The following GCA variants were observed in gnomAD, a reference collection of about 807,000 sequenced individuals.
GCA encodes the protein grancalcin, also known as grancalcin, EF-hand calcium-binding protein.
Under a neutral mutation model 32.6 loss-of-function variants are expected in GCA, and 30 were observed. That is an observed-to-expected ratio of 0.92 (90% CI 0.69 to 1.25). The LOEUF is 1.25. Ranked by LOEUF, GCA falls within the 50% of genes most tolerant of loss-of-function variation. GCA has a pLI of 0.00. For synonymous variants in GCA, 102 were observed against 84.6 expected, an observed-to-expected ratio of 1.21 and a Z score of -1.13; for missense variants, 291 against 266.8, an observed-to-expected ratio of 1.09 and a Z score of -0.63.
intron 1 of GCA, among the ~76,000 whole-genome samples, chr2:162,325,566 T>C (rs1470520268): frequency 2.6e-5 from 4 of 152,188 alleles, no homozygotes; most frequent in Non-Finnish European, 5.9e-5. Context: ...CCCTCCATTA[T>C]GCACACCTGA....
Position 162,360,624 on chromosome 2 carries a change from G to C in GCA, c.*381G>C. The C allele has an allele frequency of 8.2e-7, 1 of 1,221,338 alleles. No individual in the cohort carries two copies. The highest frequency in any genetic ancestry group is 3.4e-5 in the South Asian group (1 of 29,464). The allele number at this position is 1,221,338 out of a possible 1,614,324, so 75.7% of individuals were successfully genotyped here. A position where few individuals can be genotyped will look rare whatever the true frequency, so the allele number is the denominator to read the frequency against. On this transcript the variant is annotated 3_prime_UTR_variant, in exon 8 of 8. Transcript: ENST00000437150. The stretch of plus-strand genomic sequence containing the variant: ...AAAAACTAATTTATACTTATCTGAA[G>C]GTTACAAATTAGACTTTTAAATTTT...
chr2:162,336,051 A>G (rs1403914312), intron 1 of GCA, among the ~76,000 whole-genome samples: 3 of 152,238 alleles, frequency 2.0e-5, no homozygotes, highest in African/African-American at 7.2e-5. Flanking sequence ...TCCTACATGG[A>G]TGTTTCCTAC....
chr2:162,323,093 T>C (rs1277554032), intron 1 of GCA, among the ~76,000 whole-genome samples: 2 of 151,778 alleles, frequency 1.3e-5, no homozygotes, highest in African/African-American at 4.9e-5. Flanking sequence ...TTTTAATGAT[T>C]GCCATTCTAA....
intron 4 of GCA, among the ~76,000 whole-genome samples, chr2:162,368,948 A>G (rs371963852): frequency 6.6e-5 from 10 of 152,122 alleles, no homozygotes; most frequent in African/African-American, 1.9e-4. Flanking sequence ...TTGCCCAGCA[A>G]TTAATAACAG....
downstream of GCA, among the ~76,000 whole-genome samples, chr2:162,375,295 C>A (rs940647858): frequency 1.3e-5 from 2 of 152,156 alleles, no homozygotes; most frequent in Non-Finnish European, 2.9e-5. Flanking sequence ...AAGGGAGATT[C>A]AAGATCCAAA....
At chr2:162,365,721 C>T (rs903585898), downstream of GCA, among the ~76,000 whole-genome samples, 1 of 151,548 alleles carries the variant, frequency 6.6e-6, no homozygotes, top group African/African-American at 2.4e-5. Flanking sequence ...ATGCAAATTT[C>T]AGCTAAAAAG....
intron 1 of GCA, among the ~76,000 whole-genome samples, chr2:162,321,044 G>A (rs1683642567): frequency 1.3e-5 from 2 of 152,134 alleles, no homozygotes; most frequent in Admixed American, 1.3e-4. Flanking sequence ...GATTAGGTGT[G>A]GGTGGAAGGG....
chr2:162,322,843 T>C (rs1369738938), intron 1 of GCA, among the ~76,000 whole-genome samples: 2 of 151,756 alleles, frequency 1.3e-5, no homozygotes, highest in Non-Finnish European at 2.9e-5. Context: ...GTCTTTGCTA[T>C]TGTGAATAAT....
In GCA at chr2:162,361,743, A is replaced by G; in HGVS notation, c.*1500A>G. 2.0e-6 allele frequency: 2 copies of G among 982,090 alleles called. No individual in the cohort carries two copies. The highest frequency in any genetic ancestry group is 4.7e-5 in the South Asian group (1 of 21,228). 60.8% of individuals were successfully genotyped at this position (982,090 alleles called of 1,614,324 possible). A position where few individuals can be genotyped will look rare whatever the true frequency, so the allele number is the denominator to read the frequency against. On this transcript the variant is annotated 3_prime_UTR_variant, in exon 8 of 8. Transcript: ENST00000437150. ...TTCTCTGGCTTTTTTATGAACATAT[A>G]TTTGATAATGTGAGAGGACATTAAC... is the stretch of plus-strand genomic sequence containing the variant.
At chr2:162,354,505 A>G (rs897700775) in intron 3 of GCA, among the ~76,000 whole-genome samples, 8 of 152,200 alleles carry the variant, frequency 5.3e-5, no homozygotes, top group African/African-American at 1.4e-4. Context: ...GGTTGGAAGT[A>G]GGTGTAGCAT....
intron 1 of GCA, among the ~76,000 whole-genome samples, chr2:162,323,411 A>G (rs1298222239): frequency 6.6e-6 from 1 of 151,762 alleles, no homozygotes; most frequent in Non-Finnish European, 1.5e-5. Flanking sequence ...TCTTTAGTTT[A>G]ATTAGATACC....
At chr2:162,352,303 G>T (rs1159840398) in intron 2 of GCA, 35 bp from the exon 3 acceptor site, 1 of 1,221,986 alleles carries the variant, frequency 8.2e-7, no homozygotes, top group African/African-American at 1.5e-5. Context: ...TTATACAACT[G>T]CACATTAAAT....
intron 1 of GCA, among the ~76,000 whole-genome samples, chr2:162,335,423 A>AG (rs1244449732): frequency 6.6e-6 from 1 of 151,774 alleles, no homozygotes; most frequent in East Asian, 1.9e-4. Context: ...TCAAAAAAAA[A>AG]AAAAAAAAAA....
chr2:162,325,856 A>G (rs1307301602), intron 1 of GCA, among the ~76,000 whole-genome samples: 1 of 152,134 alleles, frequency 6.6e-6, no homozygotes, highest in Non-Finnish European at 1.5e-5. Context: ...TCATCTGAAA[A>G]CTTGCCAAGG....
intron 1 of GCA, among the ~76,000 whole-genome samples, chr2:162,326,817 C>T (rs1005090568): frequency 1.3e-5 from 2 of 152,176 alleles, no homozygotes; most frequent in African/African-American, 4.8e-5. Flanking sequence ...CACACCTGGC[C>T]TTCCTTTCCT....
At chr2:162,349,782 G>A (rs1684897807) in intron 2 of GCA, among the ~76,000 whole-genome samples, 1 of 152,128 alleles carries the variant, frequency 6.6e-6, no homozygotes, top group South Asian at 2.1e-4. Flanking sequence ...CAGAATGGAT[G>A]TTCTAATACC....
intron 1 of GCA, chr2:162,319,269 G>A (rs1276010204): frequency 4.4e-6 from 2 of 456,666 alleles, no homozygotes; most frequent in African/African-American, 4.0e-5. Flanking sequence ...TAACTTTACT[G>A]CCTCATATTT....
intron 1 of GCA, among the ~76,000 whole-genome samples, chr2:162,322,093 A>T (rs944950607): frequency 6.7e-6 from 1 of 150,360 alleles, no homozygotes; most frequent in Non-Finnish European, 1.5e-5. Flanking sequence ...TAGTAAGCCT[A>T]AAATAGAAAA....
chr2:162,374,253 G>A (rs1398109173), downstream of GCA, among the ~76,000 whole-genome samples: 1 of 152,080 alleles, frequency 6.6e-6, no homozygotes, highest in Non-Finnish European at 1.5e-5. Flanking sequence ...CCTTTGGTAT[G>A]TAAGAAGCAG....
Sources: allele counts gnomAD v4.1 joint callset (sites outside exome capture counted in the v4.1 genomes callset), GRCh38; gene constraint gnomAD v4.1.1; transcripts MANE v1.5; gene names NCBI Gene and HGNC (gene_info 2026-07-23, HGNC 2026-07-21).